DOCK9: variants seen among roughly 807,000 people sequenced by gnomAD.
DOCK9 encodes dedicator of cytokinesis 9, also known as dedicator of cytokinesis protein 9.
A neutral mutation model predicts 263.3 loss-of-function variants in DOCK9; 89 were observed. The ratio of observed to expected loss-of-function variants is 0.34; its 90% CI spans 0.28 to 0.40. The LOEUF (loss-of-function observed/expected upper bound fraction) is 0.40. Ranked by LOEUF, DOCK9 falls within the 10% of genes least tolerant of loss-of-function variation. The probability of loss-of-function intolerance (pLI) is 1.00; values close to 1 mark genes in which losing one functional copy is unlikely to be tolerated. For missense variants in DOCK9, 2,140 were observed against 2,603.4 expected (o/e 0.82, Z 3.87); for synonymous variants, 976 against 973.1 (o/e 1.00, Z -0.06).
At chr13:98,994,606 T>C (rs1880579720) in intron 1 of DOCK9, among the ~76,000 whole-genome samples, 1 of 152,180 alleles carries the variant, frequency 6.6e-6, no homozygotes, top group Non-Finnish European at 1.5e-5. Context: ...CATTTACATA[T>C]AATTGTGTTA....
At chr13:99,013,920 C>T (rs957247510) in intron 1 of DOCK9, among the ~76,000 whole-genome samples, 10 of 152,160 alleles carry the variant, frequency 6.6e-5, no homozygotes, top group Admixed American at 1.3e-4. Flanking sequence ...GAGAGACAAG[C>T]GTGGAGTGAG....
At chr13:98,955,069 A>G (rs967327874) in intron 2 of DOCK9, among the ~76,000 whole-genome samples, 3 of 152,194 alleles carry the variant, frequency 2.0e-5, no homozygotes, top group Admixed American at 2.0e-4. Flanking sequence ...TATAATCCCA[A>G]CATTTTGAGA....
At chr13:98,897,698 AATT>A in intron 14 of DOCK9, 88 bp from the exon 15 acceptor site, 1 of 1,531,504 alleles carries the variant, frequency 6.5e-7, no homozygotes. Flanking sequence ...TGAGAAGTCT[AATT>A]ATTATTCCAT....
chr13:98,881,515 A>C, intron 25 of DOCK9, 43 bp downstream of exon 25: 1 of 1,507,502 alleles, frequency 6.6e-7, no homozygotes, highest in Non-Finnish European at 9.0e-7. Context: ...GGAAAACTGG[A>C]GAGCCACAGA....
intron 1 of DOCK9, among the ~76,000 whole-genome samples, chr13:98,989,982 T>C (rs1879437709): frequency 6.6e-6 from 1 of 152,196 alleles, no homozygotes; most frequent in African/African-American, 2.4e-5. Context: ...TGATCACATA[T>C]TGAAACACTT....
Position 98,894,005 on chromosome 13 carries a change from G to C in DOCK9, c.1709+3483C>G, listed in dbSNP as rs534499849. ...TGCTGAGCACATGCATGAAGAAGTGGTGTGCAGAAGAGAACTCACACTTGG... is the reference window on the plus strand; with the variant it reads ...TGCTGAGCACATGCATGAAGAAGTGCTGTGCAGAAGAGAACTCACACTTGG... On this transcript the variant is annotated intron_variant, in intron 15 of 52. Transcript: ENST00000682017. 7.9e-5 allele frequency among the ~76,000 whole-genome samples: 12 copies of C among 152,298 alleles called. No individual in the cohort carries two copies. The East Asian group carries it at 2.3e-3, about 29-fold the overall frequency.
chr13:98,901,900 C>A lies in DOCK9; in HGVS notation c.1381G>T (p.Gly461Ter). The A allele has an allele frequency of 6.2e-7, 1 of 1,611,202 alleles. No homozygotes were observed. ...HEAAMQYPKQ[G>*]IFSVTCPHPD... ...TGAGGACAAGTGACTGAAAATATTC[C>A]CTAGGAGGCAAACAATTTTCTTCAG... Residue 461 changes from glycine (G) to a stop codon, truncating the protein, a stop_gained and splice_region_variant, in exon 13 of 53, where the codon GGA becomes TGA. Transcript: ENST00000682017. LOFTEE classifies it high-confidence loss of function.
At chr13:99,049,233 C>T (rs1278831512) in intron 1 of DOCK9, among the ~76,000 whole-genome samples, 1 of 152,184 alleles carries the variant, frequency 6.6e-6, no homozygotes, top group Non-Finnish European at 1.5e-5. Context: ...TACAGTACTT[C>T]TGAATCCACA....
chr13:98,814,144 G>A (rs149683754), intron 45 of DOCK9, among the ~76,000 whole-genome samples: 290 of 152,248 alleles, frequency 1.9e-3, no homozygotes, highest in Admixed American at 3.1e-3. Context: ...AGCAGAAAAC[G>A]CTATCTAAGC....
At position 98,943,600 on chromosome 13, in the gene DOCK9, T is replaced by A. The variant is rs72651844; in HGVS notation, c.243+11835A>T. Among the ~76,000 whole-genome samples, 838 of 152,344 alleles carry A rather than the reference T, an allele frequency of 5.5e-3. 4 individuals carry two copies. The highest frequency in any genetic ancestry group is 8.4e-3 in the Non-Finnish European group (569 of 68,026). On this transcript the variant is annotated intron_variant, in intron 2 of 52. Coordinates refer to ENST00000682017, the MANE Select transcript of DOCK9 (RefSeq NM_001366683.2). Reference sequence around the variant, plus strand: ...TCCCATGATTTGCCACCTTGAGATATGCTCTAATGACCTCAAAGGCCACTG... The same window carrying A: ...TCCCATGATTTGCCACCTTGAGATAAGCTCTAATGACCTCAAAGGCCACTG...
intron 9 of DOCK9, among the ~76,000 whole-genome samples, chr13:98,910,601 C>T (rs1257461425): frequency 6.6e-6 from 1 of 152,128 alleles, no homozygotes; most frequent in Non-Finnish European, 1.5e-5. Flanking sequence ...TCCTGTTTGG[C>T]TATGTCTTAG....
intron 1 of DOCK9, among the ~76,000 whole-genome samples, chr13:99,078,187 C>G (rs1450404298): frequency 2.6e-5 from 4 of 152,072 alleles, no homozygotes; most frequent in African/African-American, 9.7e-5. Flanking sequence ...AAAAGCAGGT[C>G]TAGGGCGGGG....
chr13:99,006,280 G>C (rs192501572), intron 1 of DOCK9, among the ~76,000 whole-genome samples: 1 of 152,184 alleles, frequency 6.6e-6, no homozygotes, highest in African/African-American at 2.4e-5. Flanking sequence ...GTGTAACTTG[G>C]ATCAGTCATC....
chr13:98,953,409 C>A (rs113983119), intron 2 of DOCK9, among the ~76,000 whole-genome samples: 2 of 152,348 alleles, frequency 1.3e-5, no homozygotes, highest in African/African-American at 4.8e-5. Context: ...TTTAAACTGT[C>A]TGATTCTGCA....
At chr13:98,807,106 G>A (rs565701897) in intron 48 of DOCK9, among the ~76,000 whole-genome samples, 1 of 152,248 alleles carries the variant, frequency 6.6e-6, no homozygotes, top group East Asian at 1.9e-4. Context: ...TCCTGAGGAG[G>A]GTGGGACACA....
At chr13:98,992,828 C>A (rs1880128610) in intron 1 of DOCK9, among the ~76,000 whole-genome samples, 1 of 152,212 alleles carries the variant, frequency 6.6e-6, no homozygotes. Context: ...ATCCACAGCT[C>A]TCCTGATGCT....
intron 45 of DOCK9, among the ~76,000 whole-genome samples, chr13:98,814,285 A>T (rs1399910080): frequency 2.6e-5 from 4 of 152,254 alleles, no homozygotes; most frequent in Admixed American, 1.3e-4. Context: ...AGGTCTCATA[A>T]ATACAAACAC....
At chr13:98,880,701 T>C (rs778200604) in intron 25 of DOCK9, 29 bp from the exon 26 acceptor site, 15 of 1,608,136 alleles carry the variant, frequency 9.3e-6, no homozygotes, top group Admixed American at 3.4e-5. Flanking sequence ...GAGACTTTAA[T>C]GCACTGGCTC....
intron 1 of DOCK9, among the ~76,000 whole-genome samples, chr13:99,007,172 G>A (rs1222712799): frequency 3.3e-5 from 5 of 151,870 alleles, no homozygotes; most frequent in Admixed American, 2.6e-4. Flanking sequence ...GGTGGATCAC[G>A]AGGTCAGGAG....
Sources: allele counts gnomAD v4.1 joint callset (sites outside exome capture counted in the v4.1 genomes callset), GRCh38; gene constraint gnomAD v4.1.1; transcripts MANE v1.5; gene names NCBI Gene and HGNC (gene_info 2026-07-23, HGNC 2026-07-21).